The following FAM83A variants were observed in gnomAD, a reference collection of about 807,000 sequenced individuals.
FAM83A encodes the protein protein FAM83A.
A neutral mutation model predicts 24.4 loss-of-function variants in FAM83A; 21 were observed. That is an observed-to-expected ratio of 0.86 (90% CI 0.61 to 1.24). The LOEUF (loss-of-function observed/expected upper bound fraction) is 1.24, where lower values mean the gene tolerates loss of function less well. Ranked by LOEUF, FAM83A falls within the 50% of genes most tolerant of loss-of-function variation. The pLI, the probability that FAM83A is intolerant of heterozygous loss-of-function variation, is 0.00. For synonymous variants in FAM83A, 270 were observed against 252.4 expected (o/e 1.07, Z -0.66); for missense variants, 617 against 579.8 (o/e 1.06, Z -0.66).
At chr8:123,184,930 C>A (rs923078002) in intron 1 of FAM83A, among the ~76,000 whole-genome samples, 9 of 152,136 alleles carry the variant, frequency 5.9e-5, no homozygotes, top group Admixed American at 2.6e-4. Context: ...AGTTCAATAC[C>A]GTGTGAAATC....
chr8:123,184,945 G>A (rs1476288785), intron 1 of FAM83A, among the ~76,000 whole-genome samples: 1 of 152,188 alleles, frequency 6.6e-6, no homozygotes, highest in Non-Finnish European at 1.5e-5. Flanking sequence ...GAAATCTTAA[G>A]CTTCCAGATA....
At chr8:123,193,726 C>G (rs62521847) in intron 2 of FAM83A, among the ~76,000 whole-genome samples, 1 of 152,010 alleles carries the variant, frequency 6.6e-6, no homozygotes, top group African/African-American at 2.4e-5. Flanking sequence ...GCAGATTCGG[C>G]GTCTGGTGAA....
chr8:123,191,994 A>G (rs1823998520), intron 2 of FAM83A, 24 bp downstream of exon 2: 7 of 1,612,284 alleles, frequency 4.3e-6, no homozygotes, highest in Non-Finnish European at 5.9e-6. Context: ...TGAGAGTCCT[A>G]AGGGTACTCA....
chr8:123,207,832 C>T, exon 4 of FAM83A: 3 of 1,392,350 alleles, frequency 2.2e-6, no homozygotes, highest in East Asian at 2.8e-5. Flanking sequence ...TGTTCCCAGG[C>T]CCCAGGCCAT....
chr8:123,182,854 G>A (rs1036412818), exon 1 of FAM83A: 11 of 1,520,528 alleles, frequency 7.2e-6, no homozygotes, highest in East Asian at 2.3e-5. Flanking sequence ...AGGGACGGGA[G>A]GCATGAGCCG....
chr8:123,209,803 T>C lies in FAM83A; in HGVS notation c.*2115T>C. ...TTGTTGACAAAGGTGCAGTTTCTCC[T>C]CTCCTGGGCACCTGTAACATGTGAT... On this transcript the variant is annotated 3_prime_UTR_variant, in exon 4 of 4. Coordinates refer to ENST00000690554, the Ensembl canonical transcript of FAM83A. The surrounding 1 kb of genome is among the most constrained non-coding windows in gnomAD (Gnocchi z 4.7). 1.9e-6 allele frequency: 1 copy of C among 521,414 alleles called. No homozygotes were observed. 32.3% of individuals were successfully genotyped at this position (521,414 alleles called of 1,614,324 possible).
At chr8:123,186,886 G>C (rs556893532) in intron 1 of FAM83A, among the ~76,000 whole-genome samples, 1 of 152,270 alleles carries the variant, frequency 6.6e-6, no homozygotes, top group Non-Finnish European at 1.5e-5. Flanking sequence ...CACCCAGGAC[G>C]GCAGAGTGGA....
At chr8:123,208,739 T>TA in exon 4 of FAM83A, 1 of 985,428 alleles carries the variant, frequency 1.0e-6, no homozygotes, top group Non-Finnish European at 1.2e-6. Flanking sequence ...CTCATGCCTG[T>TA]AATCCCAGAA....
At chr8:123,206,769 C>T (rs1824563921) in intron 3 of FAM83A, among the ~76,000 whole-genome samples, 1 of 152,182 alleles carries the variant, frequency 6.6e-6, no homozygotes. Context: ...CTCAGGGTTT[C>T]TGCCAGGATG....
intron 1 of FAM83A, among the ~76,000 whole-genome samples, chr8:123,184,078 A>G (rs1054618485): frequency 6.6e-6 from 1 of 152,126 alleles, no homozygotes; most frequent in African/African-American, 2.4e-5. Flanking sequence ...AATGGGAAGA[A>G]CAAACTCCTT....
intron 3 of FAM83A, among the ~76,000 whole-genome samples, chr8:123,206,452 G>C (rs1824554764): frequency 6.6e-6 from 1 of 152,186 alleles, no homozygotes; most frequent in Non-Finnish European, 1.5e-5. Context: ...CCCAAGAGCA[G>C]CCGCCTTTTG....
rs145588458 is a variant in FAM83A, at chr8:123,183,010, C to A, written c.154C>A (p.Arg52=). 3 of 1,604,720 alleles carry A rather than the reference C, an allele frequency of 1.9e-6. No homozygotes were observed. In the South Asian group the frequency reaches 3.4e-5, roughly 18 times the overall value. ...GGATGGGGGTTCTGAAGCCTACTGGCGGGTGCTCAGCCAGGAAGGCGAGGT... is the reference window on the plus strand; with the variant it reads ...GGATGGGGGTTCTGAAGCCTACTGGAGGGTGCTCAGCCAGGAAGGCGAGGT... Residue 52 remains arginine, a synonymous_variant, in exon 1 of 4, where the codon CGG becomes AGG. Transcript: ENST00000690554.
At chr8:123,207,352 T>C in exon 4 of FAM83A, 1 of 1,611,106 alleles carries the variant, frequency 6.2e-7, no homozygotes, top group Non-Finnish European at 8.5e-7. Flanking sequence ...GCAGCAGCAG[T>C]GGCTCCGCCA....
chr8:123,201,103 C>G (rs1824344764), intron 3 of FAM83A: 1 of 151,040 alleles, frequency 6.6e-6, no homozygotes, highest in South Asian at 2.1e-4. Context: ...TGTAGTGAGC[C>G]AAGATGCACT....
At chr8:123,197,308 T>A (rs1313441810) in intron 3 of FAM83A, among the ~76,000 whole-genome samples, 1 of 152,186 alleles carries the variant, frequency 6.6e-6, no homozygotes, top group Admixed American at 6.5e-5. Flanking sequence ...TTCACACAAG[T>A]GCAGTTCACA....
exon 4 of FAM83A, chr8:123,208,877 T>C: frequency 2.1e-6 from 2 of 961,716 alleles, no homozygotes; most frequent in Non-Finnish European, 1.2e-6. Context: ...GACAGGAGAA[T>C]TGCTTGAACC....
At chr8:123,207,297 T>G in exon 4 of FAM83A, 1 of 1,610,244 alleles carries the variant, frequency 6.2e-7, no homozygotes. Context: ...CCGCGGCTGG[T>G]CGCCCCCGTC....
intron 1 of FAM83A, among the ~76,000 whole-genome samples, chr8:123,186,924 C>G (rs1179556568): frequency 6.6e-6 from 1 of 152,186 alleles, no homozygotes; most frequent in African/African-American, 2.4e-5. Flanking sequence ...CTCTGGGGAG[C>G]TCCCTGCCAA....
chr8:123,190,096 G>A (rs533539587), intron 1 of FAM83A, among the ~76,000 whole-genome samples: 4 of 151,900 alleles, frequency 2.6e-5, no homozygotes, highest in Non-Finnish European at 5.9e-5. Context: ...GGAGGCTGAG[G>A]CTTAAGGATT....
Sources: gnomAD v4.1 joint callset for allele counts (sites outside exome capture counted in the v4.1 genomes callset) on GRCh38, gnomAD v4.1.1 for gene constraint, Gnocchi (gnomAD v3.1) non-coding constraint, MANE v1.5 for transcripts, NCBI Gene and HGNC (gene_info 2026-07-23, HGNC 2026-07-21) for gene names.